FGFR2: variants seen among roughly 807,000 people sequenced by gnomAD.
The protein encoded by FGFR2 is BEK fibroblast growth factor receptor.
FGFR2 carries 19 observed loss-of-function variants against 95.9 expected under a neutral mutation model. That is an observed-to-expected ratio of 0.20 (90% CI 0.14 to 0.29). The LOEUF is 0.29. FGFR2 is among the 10% of genes least tolerant of loss of function. FGFR2 has a pLI of 1.00. For missense variants in FGFR2, 707 were observed against 1,056.9 expected, an observed-to-expected ratio of 0.67 and a Z score of 4.59; for synonymous variants, 392 against 393.3, an observed-to-expected ratio of 1.00 and a Z score of 0.04.
chr10:121,513,569 G>GA (rs1477847881), intron 9 of FGFR2, among the ~76,000 whole-genome samples: 1 of 151,910 alleles, frequency 6.6e-6, no homozygotes, highest in Non-Finnish European at 1.5e-5. Flanking sequence ...TTCCCTATTA[G>GA]AAAAAAAATA....
intron 12 of FGFR2, among the ~76,000 whole-genome samples, chr10:121,498,034 C>T (rs1204236888): frequency 6.6e-6 from 1 of 152,196 alleles, no homozygotes; most frequent in African/African-American, 2.4e-5. Context: ...TAACGTATTC[C>T]TTCATACCGC....
chr10:121,543,169 C>G (rs1156340829), intron 5 of FGFR2, among the ~76,000 whole-genome samples: 2 of 152,182 alleles, frequency 1.3e-5, no homozygotes, highest in Non-Finnish European at 2.9e-5. Flanking sequence ...CAGAGGCACC[C>G]ACCCCATGAA....
At chr10:121,521,075 C>T (rs982286879) in intron 6 of FGFR2, among the ~76,000 whole-genome samples, 6 of 152,202 alleles carry the variant, frequency 3.9e-5, no homozygotes, top group African/African-American at 1.4e-4. Flanking sequence ...GAATTCACTC[C>T]ATTCATTCAT....
rs1848178437 is a variant in FGFR2, at chr10:121,505,719, G to A, written c.1288-1778C>T. 5.3e-5 allele frequency among the ~76,000 whole-genome samples: 8 copies of A among 152,190 alleles called. No homozygotes were observed. In the South Asian group the frequency reaches 1.7e-3, roughly 32 times the overall value. On this transcript the variant is annotated intron_variant, in intron 9 of 17. Coordinates refer to ENST00000358487, the MANE Select transcript of FGFR2 (RefSeq NM_000141.5). Reference sequence around the variant, plus strand: ...CCATGTGGTATCCAACCTCACTGTAGTGAGCTAACCTCGTCTGCGGGACAC... The same window carrying A: ...CCATGTGGTATCCAACCTCACTGTAATGAGCTAACCTCGTCTGCGGGACAC...
intron 5 of FGFR2, among the ~76,000 whole-genome samples, chr10:121,539,655 G>C (rs1853399739): frequency 6.6e-6 from 1 of 152,156 alleles, no homozygotes; most frequent in Non-Finnish European, 1.5e-5. Flanking sequence ...TTTTGGACAA[G>C]GCACTCCAGT....
intron 13 of FGFR2, among the ~76,000 whole-genome samples, chr10:121,494,400 G>A (rs1198285320): frequency 1.3e-5 from 2 of 152,092 alleles, no homozygotes; most frequent in Non-Finnish European, 2.9e-5. Flanking sequence ...TCTAGGAGTA[G>A]ATGTTGAAGG....
chr10:121,480,532 T>G, intron 17 of FGFR2: 1 of 225,444 alleles, frequency 4.4e-6, no homozygotes, highest in Non-Finnish European at 9.0e-6. Context: ...TTTTCTGAAT[T>G]ACATTTTACT....
At chr10:121,545,228 C>T (rs977959064) in intron 5 of FGFR2, among the ~76,000 whole-genome samples, 9 of 152,208 alleles carry the variant, frequency 5.9e-5, no homozygotes, top group African/African-American at 1.7e-4. Flanking sequence ...AACTGTATAC[C>T]ATGGGCTAGA....
At position 121,517,497 on chromosome 10, in the gene FGFR2, A is replaced by C. The variant is rs1849844647; in HGVS notation, c.940-34T>G. ...CAAGGGAAGCAAAAGAAAAGGCTAG[A>C]CGACACAGGAATGATTGTGGAGGGG... is the stretch of plus-strand genomic sequence containing the variant. On this transcript the variant is annotated intron_variant, in intron 7 of 17. Coordinates refer to ENST00000358487, the MANE Select transcript of FGFR2 (RefSeq NM_000141.5). This position sits in a 1 kb window ranked among gnomAD's most constrained non-coding sequence, Gnocchi z 4.7. 1 of 1,613,852 alleles carries C rather than the reference A, an allele frequency of 6.2e-7. No homozygotes were observed. Among genetic ancestry groups the C allele is most frequent in the Non-Finnish European group, 8.5e-7 (1 of 1,179,898 alleles).
intron 17 of FGFR2, chr10:121,482,274 T>C: frequency 2.6e-6 from 3 of 1,138,994 alleles, no homozygotes; most frequent in Non-Finnish European, 3.9e-6. Context: ...AGAAAGTTGG[T>C]TTCTTCCCCC....
rs562528746 is a variant in FGFR2, at chr10:121,597,657, A to G, written c.-151+305T>C. ...GCCCGTCTGCTCTGGGGTCGGAGAAACGCGCCCAGTCAGCGGGAATGCGCC... is the reference window on the plus strand; with the variant it reads ...GCCCGTCTGCTCTGGGGTCGGAGAAGCGCGCCCAGTCAGCGGGAATGCGCC... On this transcript the variant is annotated intron_variant, in intron 1 of 17. Coordinates refer to ENST00000358487, the MANE Select transcript of FGFR2 (RefSeq NM_000141.5). Among the ~76,000 whole-genome samples, 5 of 152,354 alleles carry G rather than the reference A, an allele frequency of 3.3e-5. No individual in the cohort carries two copies. The South Asian group carries it at 1.0e-3, about 32-fold the overall frequency.
At chr10:121,546,884 GA>G in intron 5 of FGFR2, among the ~76,000 whole-genome samples, 1 of 152,278 alleles carries the variant, frequency 6.6e-6, no homozygotes, top group African/African-American at 2.4e-5. Flanking sequence ...TTGCTTTCTG[GA>G]AAAATGTATC....
intron 2 of FGFR2, among the ~76,000 whole-genome samples, chr10:121,589,264 G>C (rs957172923): frequency 6.6e-6 from 1 of 152,086 alleles, no homozygotes; most frequent in African/African-American, 2.4e-5. Flanking sequence ...AATTACCCTG[G>C]CTAAACAAAC....
chr10:121,492,983 G>A (rs1429016199), intron 13 of FGFR2, among the ~76,000 whole-genome samples: 3 of 152,082 alleles, frequency 2.0e-5, no homozygotes, highest in Admixed American at 6.5e-5. Context: ...GGGGGACCAG[G>A]AGACCTAGGT....
Position 121,517,285 on chromosome 10 carries a change from G to T in FGFR2, c.1084+34C>A, listed in dbSNP as rs2134252731. 5.0e-6 allele frequency: 8 copies of T among 1,612,824 alleles called. No homozygotes were observed. The highest frequency in any genetic ancestry group is 6.8e-6 in the Non-Finnish European group (8 of 1,179,044). On this transcript the variant is annotated intron_variant, in intron 8 of 17. Coordinates refer to ENST00000358487, the MANE Select transcript of FGFR2 (RefSeq NM_000141.5). This position sits in a 1 kb window ranked among gnomAD's most constrained non-coding sequence, Gnocchi z 4.7. ...TTTTATAGCAGTCAACCAAGAAAAG[G>T]GAAAAAAACCCAGAGAGAAAGAACA...
At position 121,478,559 on chromosome 10, in the gene FGFR2, ATTTTGTCTGAT is replaced by A. The variant is rs1844296917; in HGVS notation, c.*1287_*1297del. The A allele has an allele frequency of 4.3e-6, 1 of 233,184 alleles. No individual in the cohort carries two copies. The highest frequency in any genetic ancestry group is 2.2e-5 in the African/African-American group (1 of 45,344). 14.4% of individuals were successfully genotyped at this position (233,184 alleles called of 1,614,324 possible). A position where few individuals can be genotyped will look rare whatever the true frequency, so the allele number is the denominator to read the frequency against. ...TTAGTACAGAAGGAACAACGGCGAT[ATTTTGTCTGAT>A]GTAGGTATGAGGCTGGATCTTTTGG... is the stretch of plus-strand genomic sequence containing the variant. On this transcript the variant is annotated 3_prime_UTR_variant, in exon 18 of 18. Transcript: ENST00000358487.
Position 121,478,556 on chromosome 10 carries a change from G to A in FGFR2, c.*1301C>T, listed in dbSNP as rs71640261. 2.7e-3 allele frequency: 631 copies of A among 233,242 alleles called. 2 individuals carry two copies. The highest frequency in any genetic ancestry group is 4.8e-3 in the Admixed American group (86 of 17,784). 14.4% of individuals were successfully genotyped at this position (233,242 alleles called of 1,614,324 possible). A position where few individuals can be genotyped will look rare whatever the true frequency, so the allele number is the denominator to read the frequency against. On this transcript the variant is annotated 3_prime_UTR_variant, in exon 18 of 18. Transcript: ENST00000358487. ...ACTTTAGTACAGAAGGAACAACGGCGATATTTTGTCTGATGTAGGTATGAG... is the reference window on the plus strand; with the variant it reads ...ACTTTAGTACAGAAGGAACAACGGCAATATTTTGTCTGATGTAGGTATGAG...
chr10:121,502,124 CA>C (rs1471127561), intron 10 of FGFR2, among the ~76,000 whole-genome samples: 1 of 152,162 alleles, frequency 6.6e-6, no homozygotes, highest in African/African-American at 2.4e-5. Context: ...TCACAGGTGG[CA>C]AAAACTATGG....
rs190674752 is a variant in FGFR2, at chr10:121,531,588, T to G, written c.748+7004A>C. Among the ~76,000 whole-genome samples the G allele has an allele frequency of 5.8e-4, 89 of 152,176 alleles. 1 individual carries two copies. The Middle Eastern group carries it at 0.02, about 35-fold the overall frequency. ...CGCACAATAACGACTAACAGTTGCATGGTACTATTATTTAAAAGCGCTGCC... is the reference window on the plus strand; with the variant it reads ...CGCACAATAACGACTAACAGTTGCAGGGTACTATTATTTAAAAGCGCTGCC... On this transcript the variant is annotated intron_variant, in intron 6 of 17. Coordinates refer to ENST00000358487, the MANE Select transcript of FGFR2 (RefSeq NM_000141.5). The surrounding 1 kb of genome is among the most constrained non-coding windows in gnomAD (Gnocchi z 4.5).
Sources: allele counts gnomAD v4.1 joint callset (sites outside exome capture counted in the v4.1 genomes callset), GRCh38; gene constraint gnomAD v4.1.1; non-coding constraint Gnocchi (gnomAD v3.1); transcripts MANE v1.5; gene names NCBI Gene and HGNC (gene_info 2026-07-23, HGNC 2026-07-21).